The following KAZN variants were observed in gnomAD, a reference collection of about 807,000 sequenced individuals.
The protein encoded by KAZN is kazrin, periplakin interacting protein, also known as kazrin.
A neutral mutation model predicts 87.4 loss-of-function variants in KAZN; 40 were observed. That is an observed-to-expected ratio of 0.46 (90% CI 0.36 to 0.60). KAZN has a LOEUF of 0.60. Among genes scored for constraint, KAZN ranks in the 20% least tolerant of loss-of-function variants. The probability of loss-of-function intolerance (pLI) is 0.00; values close to 1 mark genes in which losing one functional copy is unlikely to be tolerated. For synonymous variants in KAZN, 466 were observed against 458.3 expected (o/e 1.02, Z -0.22); for missense variants, 898 against 1,073.9 (o/e 0.84, Z 2.29).
intron 2 of KAZN, among the ~76,000 whole-genome samples, chr1:14,485,590 T>C (rs1412818427): frequency 6.6e-6 from 1 of 152,086 alleles, no homozygotes; most frequent in Non-Finnish European, 1.5e-5. Context: ...CCCCTTAATC[T>C]GCACGCAATT....
At chr1:14,237,499 T>G (rs1297135808) in intron 2 of KAZN, among the ~76,000 whole-genome samples, 4 of 152,130 alleles carry the variant, frequency 2.6e-5, no homozygotes, top group Non-Finnish European at 5.9e-5. Context: ...AGTTTTAGTG[T>G]GCAGATACTC....
chr1:14,757,718 T>C (rs1350508610), intron 1 of KAZN, among the ~76,000 whole-genome samples: 1 of 152,220 alleles, frequency 6.6e-6, no homozygotes, highest in Non-Finnish European at 1.5e-5. Context: ...TGTGATGTCA[T>C]GTGGTGGGGA....
At chr1:14,152,860 T>C (rs1856741) in intron 1 of KAZN, among the ~76,000 whole-genome samples, 99,205 of 152,110 alleles carry the variant, frequency 0.65, 34,091 homozygotes, top group African/African-American at 0.86. Context: ...TTGTTATTGC[T>C]GGACTTTTGG....
chr1:14,103,773 A>G (rs533663062), intron 1 of KAZN, among the ~76,000 whole-genome samples: 2 of 152,234 alleles, frequency 1.3e-5, no homozygotes, highest in Non-Finnish European at 1.5e-5. Context: ...AATGATTAGC[A>G]ACCTTAATTC....
chr1:13,904,854 C>T (rs1176138617), intron 1 of KAZN, among the ~76,000 whole-genome samples: 1 of 152,052 alleles, frequency 6.6e-6, no homozygotes, highest in Admixed American at 6.6e-5. Context: ...ACACTGATTC[C>T]CATTCTTTCT....
At position 14,776,933 on chromosome 1, in the gene KAZN, CAAAAAAAAAAAAAA is replaced by C. The variant is rs56275592; in HGVS notation, c.226+177719_226+177732del. 1.4e-3 allele frequency among the ~76,000 whole-genome samples: 161 copies of C among 113,108 alleles called. 1 individual carries two copies. Among genetic ancestry groups the C allele is most frequent in the Non-Finnish European group, 2.2e-3 (121 of 56,090 alleles). The allele number at this position is 113,108 out of a possible 152,430, so 74.2% of individuals were successfully genotyped here. A position where few individuals can be genotyped will look rare whatever the true frequency, so the allele number is the denominator to read the frequency against. Reference sequence around the variant, plus strand: ...TGAGCAACTGAGCAATACCCTGTCTCAAAAAAAAAAAAAAAAAAAAAAGAGACGTCTTTGAAGTC... The same window carrying C: ...TGAGCAACTGAGCAATACCCTGTCTCAAAAAAAAGAGACGTCTTTGAAGTC... On this transcript the variant is annotated intron_variant, in intron 1 of 14. Transcript: ENST00000376030.
intron 2 of KAZN, among the ~76,000 whole-genome samples, chr1:14,420,883 TCC>T (rs1665367982): frequency 1.4e-5 from 2 of 146,920 alleles, no homozygotes; most frequent in East Asian, 2.0e-4. Flanking sequence ...CCCGCACCTC[TCC>T]CTCCACACCT....
chr1:14,952,020 C>T (rs1477109408), intron 1 of KAZN, among the ~76,000 whole-genome samples: 4 of 151,994 alleles, frequency 2.6e-5, no homozygotes, highest in Non-Finnish European at 5.9e-5. Context: ...TGTCTGTGAG[C>T]CTCAGGCGGG....
intron 2 of KAZN, among the ~76,000 whole-genome samples, chr1:14,465,260 A>G (rs1196480925): frequency 2.6e-5 from 4 of 151,878 alleles, no homozygotes; most frequent in Non-Finnish European, 5.9e-5. Context: ...TTGGCCAGGC[A>G]TGGTGGAGGG....
chr1:14,519,480 G>A (rs773087386), intron 2 of KAZN, among the ~76,000 whole-genome samples: 6 of 152,110 alleles, frequency 3.9e-5, no homozygotes, highest in Non-Finnish European at 8.8e-5. Flanking sequence ...TACCCTCGTG[G>A]GTATCCTCCC....
At chr1:14,924,990 G>A (rs938513972) in intron 1 of KAZN, among the ~76,000 whole-genome samples, 2 of 152,252 alleles carry the variant, frequency 1.3e-5, no homozygotes, top group African/African-American at 4.8e-5. Context: ...CCCCTTCACC[G>A]CCGCCCCTCC....
intron 2 of KAZN, among the ~76,000 whole-genome samples, chr1:15,027,740 G>T (rs1185272547): frequency 6.6e-6 from 1 of 152,220 alleles, no homozygotes; most frequent in Admixed American, 6.5e-5. Context: ...TCACCTCTGA[G>T]CGCATGTTTG....
At chr1:14,403,893 C>A (rs1187178836) in intron 2 of KAZN, among the ~76,000 whole-genome samples, 1 of 151,170 alleles carries the variant, frequency 6.6e-6, no homozygotes, top group African/African-American at 2.4e-5. Context: ...AAGTTAAGAG[C>A]GGAAGTTTAA....
At chr1:13,936,485 A>T (rs1640749867) in intron 1 of KAZN, among the ~76,000 whole-genome samples, 1 of 152,064 alleles carries the variant, frequency 6.6e-6, no homozygotes, top group Admixed American at 6.5e-5. Context: ...AATAATGAAC[A>T]TTGTACTCAA....
Position 14,599,128 on chromosome 1 carries a change from G to GCGGCCC in KAZN, c.138_143dup (p.Pro50_Gly51dup). On this transcript the variant is annotated inframe_insertion, in exon 1 of 15. Transcript: ENST00000376030. This position sits in a 1 kb window ranked among gnomAD's most constrained non-coding sequence, Gnocchi z 4.4. ...AGACTGGCGGAACTGAGCGGCGGCG[G>GCGGCCC]CGGCCCCGGCCCGGGCCCGGGAGCC... 2.6e-6 allele frequency: 4 copies of GCGGCCC among 1,519,592 alleles called. No individual in the cohort carries two copies. Among genetic ancestry groups the GCGGCCC allele is most frequent in the Non-Finnish European group, 3.5e-6 (4 of 1,136,926 alleles). 94.1% of individuals were successfully genotyped at this position (1,519,592 alleles called of 1,614,324 possible). A position where few individuals can be genotyped will look rare whatever the true frequency, so the allele number is the denominator to read the frequency against.
chr1:14,132,290 C>T (rs1434524107), intron 1 of KAZN, among the ~76,000 whole-genome samples: 1 of 152,106 alleles, frequency 6.6e-6, no homozygotes, highest in Non-Finnish European at 1.5e-5. Context: ...GTGCTAGGGT[C>T]AGGGGGTAGG....
exon 1 of KAZN, chr1:13,893,294 C>T (rs915961209): frequency 1.1e-5 from 2 of 181,376 alleles, no homozygotes; most frequent in African/African-American, 4.7e-5. Context: ...GGGACCCTGC[C>T]CCTTCCAGGT....
At chr1:14,180,519 C>T in exon 2 of KAZN, 1 of 1,550,342 alleles carries the variant, frequency 6.5e-7, no homozygotes, top group Non-Finnish European at 8.7e-7. Context: ...GACAAAGACC[C>T]TTTTCTACCC....
At chr1:14,240,646 G>A (rs2100575139) in intron 2 of KAZN, among the ~76,000 whole-genome samples, 1 of 152,360 alleles carries the variant, frequency 6.6e-6, no homozygotes, top group South Asian at 2.1e-4. Flanking sequence ...CACAAGCTCA[G>A]TCACTAAGTA....
Sources: gnomAD v4.1 joint callset for allele counts (sites outside exome capture counted in the v4.1 genomes callset) on GRCh38, gnomAD v4.1.1 for gene constraint, Gnocchi (gnomAD v3.1) non-coding constraint, MANE v1.5 for transcripts, NCBI Gene and HGNC (gene_info 2026-07-23, HGNC 2026-07-21) for gene names.